The following PCDH18 variants were observed in gnomAD, a reference collection of about 807,000 sequenced individuals.
PCDH18 encodes the protein protocadherin-18.
Under a neutral mutation model 71.5 loss-of-function variants are expected in PCDH18, and 38 were observed. That is an observed-to-expected ratio of 0.53 (90% CI 0.41 to 0.70). The LOEUF is 0.70. PCDH18 is among the 30% of genes least tolerant of loss of function. The pLI is 0.00. For missense variants in PCDH18, 1,334 were observed against 1,384.6 expected (o/e 0.96, Z 0.58); for synonymous variants, 565 against 505.4 (o/e 1.12, Z -1.58).
chr4:137,528,508 G>T lies in PCDH18; in HGVS notation c.2710C>A (p.Leu904Met), dbSNP rs1229695196. Residue 904 changes from leucine to methionine, a missense_variant, in exon 3 of 4, where the codon CTG (leucine) becomes ATG (methionine). Coordinates refer to ENST00000344876, the MANE Select transcript of PCDH18 (RefSeq NM_019035.5). ...DRLLGEGFSDLFLTDGRIPAA... is the reference protein window; with the variant it reads ...DRLLGEGFSDMFLTDGRIPAA... ...GGAATTCTTCCATCTGTGAGAAACAGGTCGCTGAATCCTTCACCCAACAGC... is the reference window on the plus strand; with the variant it reads ...GGAATTCTTCCATCTGTGAGAAACATGTCGCTGAATCCTTCACCCAACAGC... 1 of 1,613,860 alleles carries T rather than the reference G, an allele frequency of 6.2e-7. No individual in the cohort carries two copies. The highest frequency in any genetic ancestry group is 1.3e-5 in the African/African-American group (1 of 75,000).
chr4:137,521,719 G>A (rs780347972), intron 3 of PCDH18, 23 bp from the exon 4 acceptor site: 2 of 1,556,292 alleles, frequency 1.3e-6, no homozygotes, highest in South Asian at 2.3e-5. Context: ...AAAACAGTGG[G>A]GATTCATTAT....
chr4:137,525,616 G>A (rs1171025661), intron 3 of PCDH18, among the ~76,000 whole-genome samples: 1 of 152,150 alleles, frequency 6.6e-6, no homozygotes, highest in African/African-American at 2.4e-5. Context: ...TACACAGTAT[G>A]CATATTGCAG....
chr4:137,525,052 A>G (rs1731408116), intron 3 of PCDH18, among the ~76,000 whole-genome samples: 1 of 152,194 alleles, frequency 6.6e-6, no homozygotes, highest in African/African-American at 2.4e-5. Context: ...ATTGGACTCA[A>G]TCAAGAAAAA....
chr4:137,529,981 A>T lies in PCDH18; in HGVS notation c.2108T>A (p.Ile703Asn). ...TGCACAAATTGCTCCTAAGGAAATA[A>T]TTATTATCATGGAGACATCCAAGGA... The part of the protein sequence containing the change: ...QASLDVSMII[I>N]ISLGAICAVL... Residue 703 changes from isoleucine to asparagine, a missense_variant, in exon 1 of 4, where the codon ATT (isoleucine) becomes AAT (asparagine). Transcript: ENST00000344876. 1 of 1,613,884 alleles carries T rather than the reference A, an allele frequency of 6.2e-7. No homozygotes were observed. The highest frequency in any genetic ancestry group is 8.5e-7 in the Non-Finnish European group (1 of 1,179,818).
intron 3 of PCDH18, among the ~76,000 whole-genome samples, chr4:137,526,888 C>G (rs1176314401): frequency 6.6e-6 from 1 of 150,834 alleles, no homozygotes; most frequent in African/African-American, 2.4e-5. Flanking sequence ...CCAAATCTCA[C>G]TCTCCCATGT....
intron 3 of PCDH18, 89 bp downstream of exon 3, chr4:137,528,386 TAAA>T: frequency 1.0e-6 from 1 of 981,122 alleles, no homozygotes; most frequent in Non-Finnish European, 1.6e-6. Flanking sequence ...AAGGGACAAA[TAAA>T]GAAGAAATAT....
chr4:137,530,344 C>T lies in PCDH18; in HGVS notation c.1745G>A (p.Arg582His), dbSNP rs200753356. 353 of 1,613,430 alleles carry T rather than the reference C, an allele frequency of 2.2e-4. 1 individual carries two copies. The highest frequency in any genetic ancestry group is 1.8e-3 in the Middle Eastern group (11 of 6,050). The change falls in exon 1 of 4, where the codon CGT becomes CAT. Residue 582 changes from arginine (R) to histidine (H), a missense_variant. This residue lies in a region of PCDH18 where 1,011 missense variants were observed against 1,048.0 expected (regional missense o/e 0.96). Coordinates refer to ENST00000344876, the MANE Select transcript of PCDH18 (RefSeq NM_019035.5). ...AATGGTGATTTCTGCCGTATTATTA[C>T]GCAATGCAGGCCCTATAACCACAGG... ...NVPVVIGPAL[R>H]NNTAEITIPK...
In PCDH18 at chr4:137,531,486, G is replaced by T; in HGVS notation, c.603C>A (p.Val201=). Residue 201 remains valine (V), a synonymous_variant, in exon 1 of 4, where the codon GTC becomes GTA. Coordinates refer to ENST00000344876, the MANE Select transcript of PCDH18 (RefSeq NM_019035.5). The stretch of plus-strand genomic sequence containing the variant: ...ACTTCAGCTCCCGATCTAACTCTCT[G>T]ACCACTATGAGTTCTGCATACTTGG... ...DGAKYAELIV[V]RELDRELKSS... The T allele has an allele frequency of 1.2e-6, 2 of 1,613,910 alleles. No individual in the cohort carries two copies. The highest frequency in any genetic ancestry group is 1.7e-5 in the Admixed American group (1 of 59,992).
intron 3 of PCDH18, among the ~76,000 whole-genome samples, chr4:137,525,660 A>G (rs1317051347): frequency 6.6e-6 from 1 of 152,088 alleles, no homozygotes; most frequent in African/African-American, 2.4e-5. Context: ...TACTTTGCGG[A>G]CCATTGGTGA....
chr4:137,527,373 T>C (rs116447663), intron 3 of PCDH18, among the ~76,000 whole-genome samples: 3,899 of 146,388 alleles, frequency 0.027, 82 homozygotes, highest in Non-Finnish European at 0.043. Context: ...TTATACTGTA[T>C]TGTTTTTTAT....
At chr4:137,527,169 C>T (rs75160437) in intron 3 of PCDH18, among the ~76,000 whole-genome samples, 691 of 152,072 alleles carry the variant, frequency 4.5e-3, no homozygotes, top group Middle Eastern at 0.031. Flanking sequence ...TATGAGTGCT[C>T]GAGTTTCTAT....
At chr4:137,524,669 A>C (rs1424520356) in intron 3 of PCDH18, among the ~76,000 whole-genome samples, 1 of 152,184 alleles carries the variant, frequency 6.6e-6, no homozygotes, top group East Asian at 1.9e-4. Context: ...TAGCTATAAC[A>C]AAAGATACAA....
rs745957582 is a variant in PCDH18 at position 137,520,980 on chromosome 4, G to A, written c.*49C>T. The A allele has an allele frequency of 3.0e-6, 4 of 1,314,784 alleles. No homozygotes were observed. In the South Asian group the frequency reaches 5.7e-5, roughly 19 times the overall value. 81.4% of individuals were successfully genotyped at this position (1,314,784 alleles called of 1,614,324 possible). Reference sequence around the variant, plus strand: ...TTCAGGGTTTTTTGTTGTTGTTGTTGTTCCCTATTTCCATATACATGGAAA... The same window carrying A: ...TTCAGGGTTTTTTGTTGTTGTTGTTATTCCCTATTTCCATATACATGGAAA... On this transcript the variant is annotated 3_prime_UTR_variant, in exon 4 of 4. Transcript: ENST00000344876.
chr4:137,532,142 G>T lies in PCDH18; in HGVS notation c.-54C>A. ...AGCAAGTTAAAACAGCAAAGCAATT[G>T]CCTCAACTTCCTTTGGCAACGTAAA... On this transcript the variant is annotated 5_prime_UTR_variant, in exon 1 of 4. Transcript: ENST00000344876. 1 of 1,383,898 alleles carries T rather than the reference G, an allele frequency of 7.2e-7. No homozygotes were observed. Among genetic ancestry groups the T allele is most frequent in the Admixed American group, 1.7e-5 (1 of 59,616 alleles). The allele number at this position is 1,383,898 out of a possible 1,614,324, so 85.7% of individuals were successfully genotyped here.
In PCDH18 at chr4:137,530,066, T is replaced by C. The variant is rs1269278501; in HGVS notation, c.2023A>G (p.Met675Val). The C allele has an allele frequency of 6.2e-7, 1 of 1,614,124 alleles. No individual in the cohort carries two copies. Among genetic ancestry groups the C allele is most frequent in the Admixed American group, 1.7e-5 (1 of 60,024 alleles). The change falls in exon 1 of 4, where the codon ATG (methionine) becomes GTG (valine). Residue 675 changes from methionine (M) to valine (V), a missense_variant. Coordinates refer to ENST00000344876, the MANE Select transcript of PCDH18 (RefSeq NM_019035.5). The stretch of plus-strand genomic sequence containing the variant: ...ACCGACTCTGCATATTCAAAGATCA[T>C]GCACTTCAGAAGGACTTTGGTATGT... ...QLHTKVLLKC[M>V]IFEYAESVTS...
Position 137,530,888 on chromosome 4 carries a change from C to G in PCDH18, c.1201G>C (p.Gly401Arg). ...TTCTGAAGTTTAAAGTGACCATGTCCATGAAGCTTACAAACTATTTCTCCA... is the reference window on the plus strand; with the variant it reads ...TTCTGAAGTTTAAAGTGACCATGTCGATGAAGCTTACAAACTATTTCTCCA... ...LNGEIVCKLHGHGHFKLQKTY... is the reference protein window; with the variant it reads ...LNGEIVCKLHRHGHFKLQKTY... The change falls in exon 1 of 4, where the codon GGA (glycine) becomes CGA (arginine). Residue 401 changes from glycine (G) to arginine (R), a missense_variant. Coordinates refer to ENST00000344876, the MANE Select transcript of PCDH18 (RefSeq NM_019035.5). The G allele has an allele frequency of 6.2e-7, 1 of 1,612,114 alleles. No individual in the cohort carries two copies.
At position 137,528,779 on chromosome 4, in the gene PCDH18, A is replaced by C; in HGVS notation, c.2529T>G (p.Tyr843Ter). Residue 843 changes from tyrosine (Y) to a stop codon, truncating the protein, a stop_gained, in exon 2 of 4, where the codon TAT becomes TAG. Transcript: ENST00000344876. LOFTEE classifies it high-confidence loss of function. Reference sequence around the variant, plus strand: ...TTCCTCGAAAACTTGGTCTTGGCTGATATTGCCCCTGGTGAAGCATTGAAA... The same window carrying C: ...TTCCTCGAAAACTTGGTCTTGGCTGCTATTGCCCCTGGTGAAGCATTGAAA... Reference protein sequence around the residue: ...QLLSMLHQGQYQPRPSFRGNK... With the variant: ...QLLSMLHQGQ 6.2e-7 allele frequency: 1 copy of C among 1,613,664 alleles called. No individual in the cohort carries two copies. Among genetic ancestry groups the C allele is most frequent in the South Asian group, 1.1e-5 (1 of 91,082 alleles).
chr4:137,524,133 T>C (rs1188210258), intron 3 of PCDH18, among the ~76,000 whole-genome samples: 1 of 152,170 alleles, frequency 6.6e-6, no homozygotes, highest in African/African-American at 2.4e-5. Context: ...AAGTGGCTAA[T>C]CTTTCTGTTG....
intron 1 of PCDH18, chr4:137,529,240 C>T (rs1227637204): frequency 4.0e-6 from 1 of 247,968 alleles, no homozygotes; most frequent in Non-Finnish European, 7.7e-6. Flanking sequence ...CTGAAGGCCT[C>T]AGTTTTTTTA....
Sources: allele counts gnomAD v4.1 joint callset (sites outside exome capture counted in the v4.1 genomes callset), GRCh38; gene constraint gnomAD v4.1.1; regional missense constraint gnomAD v4.1.1; transcripts MANE v1.5; gene names NCBI Gene and HGNC (gene_info 2026-07-23, HGNC 2026-07-21).